Variants in RFX1 observed in about 807,000 individuals in gnomAD.
The protein encoded by RFX1 is MHC class II regulatory factor RFX1.
In RFX1, 42 loss-of-function variants were observed where a neutral mutation model predicts 119.6. The ratio of observed to expected loss-of-function variants is 0.35; its 90% confidence interval spans 0.27 to 0.45. RFX1 has a LOEUF of 0.45. Ranked by LOEUF, RFX1 falls within the 20% of genes least tolerant of loss-of-function variation. The pLI is 1.00. For synonymous variants in RFX1, 628 were observed against 618.5 expected (o/e 1.02, Z -0.23); for missense variants, 1,118 against 1,368.1 (o/e 0.82, Z 2.88).
At chr19:14,002,413 A>G (rs1975247214) in intron 1 of RFX1, among the ~76,000 whole-genome samples, 1 of 151,514 alleles carries the variant, frequency 6.6e-6, no homozygotes, top group African/African-American at 2.4e-5. Context: ...TGAACTGGGG[A>G]GGTGGAGGTT....
At chr19:13,999,804 G>A (rs543620459) in intron 1 of RFX1, among the ~76,000 whole-genome samples, 1 of 151,942 alleles carries the variant, frequency 6.6e-6, no homozygotes, top group African/African-American at 2.4e-5. Context: ...GCCTCCTGAG[G>A]AGCTGGGATT....
At chr19:13,996,108 G>A (rs943245134) in intron 1 of RFX1, among the ~76,000 whole-genome samples, 3 of 152,118 alleles carry the variant, frequency 2.0e-5, no homozygotes, top group Non-Finnish European at 4.4e-5. Flanking sequence ...CCCAGGTGCT[G>A]GGCTGGGCAT....
Position 13,980,950 on chromosome 19 carries a change from C to T in RFX1, c.622-261G>A, listed in dbSNP as rs957905403. On this transcript the variant is annotated intron_variant, in intron 5 of 20. Coordinates refer to ENST00000254325, the MANE Select transcript of RFX1 (RefSeq NM_002918.5). This position sits in a 1 kb window ranked among gnomAD's most constrained non-coding sequence, Gnocchi z 5.1. ...GTTGGCTGATGGTGGGTGGTGCCGC[C>T]AGCACCCCTGAAGCTCTCCTGGGGC... is the stretch of plus-strand genomic sequence containing the variant. Among the ~76,000 whole-genome samples, 1 of 152,228 alleles carries T rather than the reference C, an allele frequency of 6.6e-6. No individual in the cohort carries two copies. Among genetic ancestry groups the T allele is most frequent in the African/African-American group, 2.4e-5 (1 of 41,470 alleles).
At chr19:13,967,210 C>T (rs903921294) in intron 12 of RFX1, among the ~76,000 whole-genome samples, 11 of 152,192 alleles carry the variant, frequency 7.2e-5, no homozygotes, top group African/African-American at 2.7e-4. Context: ...GATGTCCCGG[C>T]CTCCAGGGCA....
chr19:13,982,616 C>T (rs1342131640), intron 4 of RFX1, among the ~76,000 whole-genome samples: 2 of 152,098 alleles, frequency 1.3e-5, no homozygotes, highest in Non-Finnish European at 2.9e-5. Flanking sequence ...CCAGCCTGGC[C>T]GACATGGTGA....
At position 13,968,802 on chromosome 19, in the gene RFX1, C is replaced by T. The variant is rs866758516; in HGVS notation, c.1589G>A (p.Arg530Gln). The change falls in exon 11 of 21, where the codon CGG becomes CAG. Residue 530 changes from arginine (R) to glutamine (Q), a missense_variant. By Grantham distance (43) the Arg-to-Gln change is conservative. Around this residue, in one of 5 missense-constraint regions of RFX1, gnomAD observed 338 missense variants for 508.9 expected, o/e 0.66. Coordinates refer to ENST00000254325, the MANE Select transcript of RFX1 (RefSeq NM_002918.5). The surrounding 1 kb of genome is among the most constrained non-coding windows in gnomAD (Gnocchi z 5.5). ...LMEDQQHMAM[R>Q]GQPFSQKQRL... The stretch of plus-strand genomic sequence containing the variant: ...CTGCTTCTGCGAGAAGGGCTGGCCC[C>T]GCATGGCCATGTGCTGCTGGTCCTC... The T allele has an allele frequency of 8.2e-6, 13 of 1,576,192 alleles. No homozygotes were observed. The highest frequency in any genetic ancestry group is 2.3e-5 in the East Asian group (1 of 42,800).
Position 13,966,408 on chromosome 19 carries a change from G to A in RFX1, c.1961+13C>T, listed in dbSNP as rs528252575. 5.0e-5 allele frequency: 78 copies of A among 1,565,964 alleles called. No individual in the cohort carries two copies. The highest frequency in any genetic ancestry group is 1.9e-4 in the South Asian group (17 of 90,014). ...CCCCCCTCTCCCTCCCACAGTCGCC[G>A]GGCAGTACTCACACAGCCAGCGGTG... On this transcript the variant is annotated intron_variant, in intron 14 of 20. Coordinates refer to ENST00000254325, the MANE Select transcript of RFX1 (RefSeq NM_002918.5). The surrounding 1 kb of genome is among the most constrained non-coding windows in gnomAD (Gnocchi z 6.3).
At chr19:13,991,967 C>T (rs190998453) in intron 2 of RFX1, among the ~76,000 whole-genome samples, 1 of 152,122 alleles carries the variant, frequency 6.6e-6, no homozygotes, top group African/African-American at 2.4e-5. Context: ...CGGCCAATTG[C>T]TACATGTTTT....
chr19:14,000,623 C>T (rs958678007), intron 1 of RFX1, among the ~76,000 whole-genome samples: 2 of 152,118 alleles, frequency 1.3e-5, no homozygotes, highest in African/African-American at 4.8e-5. Context: ...AAAGTGACGC[C>T]TTATCTCTAT....
chr19:13,983,635 C>T, intron 2 of RFX1, 40 bp from the exon 3 acceptor site: 1 of 1,508,292 alleles, frequency 6.6e-7, no homozygotes, highest in Non-Finnish European at 9.0e-7. Context: ...TCCTGCTTTC[C>T]CTGCCCCCAG....
chr19:13,980,754 A>T lies in RFX1; in HGVS notation c.622-65T>A. 1 of 198,870 alleles carries T rather than the reference A, an allele frequency of 5.0e-6. No homozygotes were observed. Among genetic ancestry groups the T allele is most frequent in the Non-Finnish European group, 7.2e-6 (1 of 138,820 alleles). 12.3% of individuals were successfully genotyped at this position (198,870 alleles called of 1,614,324 possible). The stretch of plus-strand genomic sequence containing the variant: ...CTTGCATCCTCTCTGAGGTGGGCTC[A>T]CACACACACCCTTCTCAGGAGAGCT... On this transcript the variant is annotated intron_variant, in intron 5 of 20. Coordinates refer to ENST00000254325, the MANE Select transcript of RFX1 (RefSeq NM_002918.5). The surrounding 1 kb of genome is among the most constrained non-coding windows in gnomAD (Gnocchi z 5.1).
chr19:13,991,882 G>A (rs181288814), intron 2 of RFX1, among the ~76,000 whole-genome samples: 4 of 151,946 alleles, frequency 2.6e-5, no homozygotes, highest in Non-Finnish European at 5.9e-5. Flanking sequence ...GGCTGGTCTC[G>A]AACTCCTGAC....
At chr19:13,999,257 T>G (rs1048986833) in intron 1 of RFX1, among the ~76,000 whole-genome samples, 3 of 152,200 alleles carry the variant, frequency 2.0e-5, no homozygotes, top group African/African-American at 7.2e-5. Context: ...CTTAACAAAC[T>G]GTTCCTTGGC....
Position 13,966,549 on chromosome 19 carries a change from C to G in RFX1, c.1852-19G>C. 6.5e-7 allele frequency: 1 copy of G among 1,545,976 alleles called. No homozygotes were observed. The highest frequency in any genetic ancestry group is 8.8e-7 in the Non-Finnish European group (1 of 1,137,256). On this transcript the variant is annotated intron_variant, in intron 13 of 20. Coordinates refer to ENST00000254325, the MANE Select transcript of RFX1 (RefSeq NM_002918.5). The surrounding 1 kb of genome is among the most constrained non-coding windows in gnomAD (Gnocchi z 6.3). ...CAATGGCCTGTGGCAGAGGCGGATG[C>G]TCAGGGAGGCTGGGGGGCAGCATGG...
intron 8 of RFX1, 81 bp from the exon 9 acceptor site, chr19:13,973,208 G>A (rs1231445656): frequency 1.1e-5 from 8 of 734,790 alleles, no homozygotes; most frequent in African/African-American, 1.8e-5. Flanking sequence ...AGGAAGGGGG[G>A]TCCTAGGAGG....
Position 13,961,723 on chromosome 19 carries a change from A to G in RFX1, c.*972T>C, listed in dbSNP as rs1183101534. On this transcript the variant is annotated 3_prime_UTR_variant, in exon 21 of 21. Coordinates refer to ENST00000254325, the MANE Select transcript of RFX1 (RefSeq NM_002918.5). ...GCACACAAAATAGTGATTTTTATACAATAGGTCAGATTTCCATTTTTTTTT... is the reference window on the plus strand; with the variant it reads ...GCACACAAAATAGTGATTTTTATACGATAGGTCAGATTTCCATTTTTTTTT... 6.6e-6 allele frequency: 1 copy of G among 152,370 alleles called. No individual in the cohort carries two copies. The highest frequency in any genetic ancestry group is 2.4e-5 in the African/African-American group (1 of 41,440). 9.4% of individuals were successfully genotyped at this position (152,370 alleles called of 1,614,324 possible). A position where few individuals can be genotyped will look rare whatever the true frequency, so the allele number is the denominator to read the frequency against.
At chr19:13,979,424 G>C in intron 7 of RFX1, 23 bp downstream of exon 7, 7 of 1,511,894 alleles carry the variant, frequency 4.6e-6, no homozygotes, top group Non-Finnish European at 6.3e-6. Flanking sequence ...TTTGCCCGTG[G>C]GGTAGGAGGG....
At chr19:14,002,171 C>T (rs1453008182) in intron 1 of RFX1, among the ~76,000 whole-genome samples, 1 of 151,758 alleles carries the variant, frequency 6.6e-6, no homozygotes, top group Non-Finnish European at 1.5e-5. Context: ...AAAAATGAGC[C>T]GGTCATGGTG....
chr19:13,974,815 G>C (rs1361089771), intron 8 of RFX1, among the ~76,000 whole-genome samples: 1 of 152,152 alleles, frequency 6.6e-6, no homozygotes, highest in Non-Finnish European at 1.5e-5. Context: ...GGAGGACGAG[G>C]CGGGTGGATC....
Sources: gnomAD v4.1 joint callset for allele counts (sites outside exome capture counted in the v4.1 genomes callset) on GRCh38, gnomAD v4.1.1 for gene constraint, gnomAD v4.1.1 regional missense constraint, Gnocchi (gnomAD v3.1) non-coding constraint, MANE v1.5 for transcripts, NCBI Gene and HGNC (gene_info 2026-07-23, HGNC 2026-07-21) for gene names.